The following PPIP5K2 variants were observed in gnomAD, a reference collection of about 807,000 sequenced individuals.
PPIP5K2 encodes diphosphoinositol pentakisphosphate kinase 2, also known as inositol hexakisphosphate and diphosphoinositol-pentakisphosphate kinase 2.
In PPIP5K2, 105 loss-of-function variants were observed where a neutral mutation model predicts 154.6. That is an observed-to-expected ratio of 0.68 (90% CI 0.58 to 0.80). The LOEUF (loss-of-function observed/expected upper bound fraction) is 0.80. Among genes scored for constraint, PPIP5K2 ranks in the 30% least tolerant of loss-of-function variants. PPIP5K2 has a pLI of 0.00. For missense variants in PPIP5K2, 992 were observed against 1,504.6 expected, an observed-to-expected ratio of 0.66 and a Z score of 5.64; for synonymous variants, 480 against 490.3, an observed-to-expected ratio of 0.98 and a Z score of 0.28.
rs1798330056 is a variant in PPIP5K2 at position 103,173,880 on chromosome 5, C to G, written c.2437C>G (p.Pro813Ala). Residue 813 changes from proline to alanine, a missense_variant, in exon 21 of 31, where the codon CCT becomes GCT. Around this residue, in one of 9 missense-constraint regions of PPIP5K2, gnomAD observed 157 missense variants for 281.2 expected, o/e 0.56. Coordinates refer to ENST00000358359, the MANE Select transcript of PPIP5K2 (RefSeq NM_001276277.3). ...HPVYSRGVLS[P>A]ERHVRTRLYF... ...TAGGTATTCTAGAGGTGTTCTGTCT[C>G]CTGAACGTCATGTTCGTACTAGATT... 6.2e-7 allele frequency: 1 copy of G among 1,604,274 alleles called. No individual in the cohort carries two copies. Among genetic ancestry groups the G allele is most frequent in the Non-Finnish European group, 8.5e-7 (1 of 1,172,236 alleles).
chr5:103,167,976 T>C (rs1470291221), intron 18 of PPIP5K2, 96 bp from the exon 19 acceptor site: 1 of 750,770 alleles, frequency 1.3e-6, no homozygotes, highest in Non-Finnish European at 2.1e-6. Context: ...AGTTGTATTT[T>C]TGACACTTTA....
chr5:103,142,732 C>T (rs1180584991), intron 5 of PPIP5K2, among the ~76,000 whole-genome samples: 6 of 150,076 alleles, frequency 4.0e-5, no homozygotes, highest in African/African-American at 1.2e-4. Context: ...GCCAAGATGG[C>T]GCCACTGCAC....
chr5:103,155,229 A>G (rs935307876), intron 13 of PPIP5K2, among the ~76,000 whole-genome samples: 9 of 152,088 alleles, frequency 5.9e-5, no homozygotes, highest in African/African-American at 2.2e-4. Context: ...CCATAGATTC[A>G]TTGCAGTTTA....
At chr5:103,188,978 T>A in intron 28 of PPIP5K2, 2 of 423,620 alleles carry the variant, frequency 4.7e-6, no homozygotes, top group Non-Finnish European at 8.3e-6. Flanking sequence ...TAATATTGTG[T>A]TGTCTTATCT....
At chr5:103,120,787 C>G in intron 1 of PPIP5K2, 1 of 299,786 alleles carries the variant, frequency 3.3e-6, no homozygotes, top group African/African-American at 2.2e-5. Flanking sequence ...GCTTCTACCC[C>G]ACGCTGTGCC....
chr5:103,177,930 G>T lies in PPIP5K2; in HGVS notation c.2704G>T (p.Glu902Ter). Residue 902 changes from glutamate to a stop codon, truncating the protein, a stop_gained, in exon 23 of 31, where the codon GAA becomes TAA. Transcript: ENST00000358359. LOFTEE classifies it high-confidence loss of function. ...TAGTCCGGGAGCCAAAGGTTGTGAA[G>T]AAGACAAAAATTTGCCATCTGGCTA... ...HFSPGAKGCE[E>*]DKNLPSGYGY... is the part of the protein sequence containing the mutation. 6.2e-7 allele frequency: 1 copy of T among 1,613,270 alleles called. No homozygotes were observed. Among genetic ancestry groups the T allele is most frequent in the Non-Finnish European group, 8.5e-7 (1 of 1,179,382 alleles).
Position 103,207,068 on chromosome 5 carries a change from G to A in PPIP5K2, c.*5434G>A, listed in dbSNP as rs570967394. On this transcript the variant is annotated 3_prime_UTR_variant, in exon 31 of 31. Transcript: ENST00000358359. ...GGTACCTGGTCTAGGAATGCAGCTA[G>A]GTTTATAGACATGGCCAGCCCAGGG... 6.6e-6 allele frequency: 1 copy of A among 152,278 alleles called. No homozygotes were observed. The highest frequency in any genetic ancestry group is 1.5e-5 in the Non-Finnish European group (1 of 68,124). The allele number at this position is 152,278 out of a possible 1,614,324, so 9.4% of individuals were successfully genotyped here. A position where few individuals can be genotyped will look rare whatever the true frequency, so the allele number is the denominator to read the frequency against.
chr5:103,147,389 C>T (rs1793929621), intron 6 of PPIP5K2, among the ~76,000 whole-genome samples: 1 of 151,748 alleles, frequency 6.6e-6, no homozygotes, highest in African/African-American at 2.4e-5. Context: ...CTGATGAGAC[C>T]CTACATTGTT....
chr5:103,182,643 C>T (rs1161001535), intron 24 of PPIP5K2, among the ~76,000 whole-genome samples: 9 of 152,130 alleles, frequency 5.9e-5, no homozygotes, highest in Admixed American at 5.2e-4. Context: ...CTGTAAATAT[C>T]TCTGGAGGGG....
intron 18 of PPIP5K2, 146 bp from the exon 19 acceptor site, chr5:103,167,926 G>A (rs1443187869): frequency 3.9e-6 from 2 of 507,256 alleles, no homozygotes; most frequent in Non-Finnish European, 6.9e-6. Context: ...ATATATGGTT[G>A]CTAGTAGCGT....
chr5:103,139,252 T>C (rs1792123749), intron 5 of PPIP5K2, among the ~76,000 whole-genome samples: 1 of 152,204 alleles, frequency 6.6e-6, no homozygotes, highest in Non-Finnish European at 1.5e-5. Context: ...GATGAATTTA[T>C]CATACCTTAA....
At chr5:103,160,537 C>A (rs1003376935) in intron 17 of PPIP5K2, among the ~76,000 whole-genome samples, 5 of 152,110 alleles carry the variant, frequency 3.3e-5, no homozygotes, top group African/African-American at 9.7e-5. Flanking sequence ...GTTGGCAGAA[C>A]TTTTCTGTAA....
chr5:103,125,962 C>T (rs1789603918), intron 1 of PPIP5K2, among the ~76,000 whole-genome samples: 1 of 152,148 alleles, frequency 6.6e-6, no homozygotes. Context: ...TTGTGTGCAT[C>T]TTAGCTACTT....
chr5:103,178,681 T>A lies in PPIP5K2; in HGVS notation c.2754+701T>A, dbSNP rs75182763. 2.4e-3 allele frequency among the ~76,000 whole-genome samples: 363 copies of A among 151,862 alleles called. 2 individuals carry two copies. The highest frequency in any genetic ancestry group is 3.4e-3 in the Middle Eastern group (1 of 290). On this transcript the variant is annotated intron_variant, in intron 23 of 30. Transcript: ENST00000358359. ...TGCAGATCAATTTGGAGAAAAATGA[T>A]ACTTTTTCAGTATTGGGTCTTCTAG...
chr5:103,185,538 A>T (rs1365076508), intron 26 of PPIP5K2, among the ~76,000 whole-genome samples: 1 of 152,040 alleles, frequency 6.6e-6, no homozygotes, highest in Non-Finnish European at 1.5e-5. Flanking sequence ...TATTTATAGA[A>T]ATTTATATAT....
rs1187447417 is a variant in PPIP5K2 at position 103,186,538 on chromosome 5, G to C, written c.3289+99G>C. 8 of 1,514,808 alleles carry C rather than the reference G, an allele frequency of 5.3e-6. No individual in the cohort carries two copies. The African/African-American group carries it at 5.5e-5, about 10-fold the overall frequency. The allele number at this position is 1,514,808 out of a possible 1,614,324, so 93.8% of individuals were successfully genotyped here. A position where few individuals can be genotyped will look rare whatever the true frequency, so the allele number is the denominator to read the frequency against. ...CAAATCTAAGGCCACTGACTGATTC[G>C]AGTGAAATCCTGTCATCTTTTGCCT... On this transcript the variant is annotated intron_variant, in intron 27 of 30. Transcript: ENST00000358359.
intron 13 of PPIP5K2, 119 bp downstream of exon 13, chr5:103,155,062 G>C (rs1005040723): frequency 3.9e-6 from 2 of 510,876 alleles, no homozygotes; most frequent in Non-Finnish European, 6.4e-6. Flanking sequence ...TGTTACTATA[G>C]TTGAGACATG....
chr5:103,170,524 G>T (rs565924804), intron 19 of PPIP5K2, among the ~76,000 whole-genome samples: 16 of 151,666 alleles, frequency 1.1e-4, no homozygotes, highest in Admixed American at 3.3e-4. Flanking sequence ...TAAATTCATA[G>T]TTTTAAAACA....
At chr5:103,198,928 T>A (rs246900) in intron 30 of PPIP5K2, among the ~76,000 whole-genome samples, 36,684 of 151,908 alleles carry the variant, frequency 0.24, 5,144 homozygotes, top group East Asian at 0.45. Context: ...ACTTTTTCTA[T>A]GGACTTTTGC....
Sources: allele counts gnomAD v4.1 joint callset (sites outside exome capture counted in the v4.1 genomes callset), GRCh38; gene constraint gnomAD v4.1.1; regional missense constraint gnomAD v4.1.1; transcripts MANE v1.5; gene names NCBI Gene and HGNC (gene_info 2026-07-23, HGNC 2026-07-21).